The following TLL1 variants were observed in gnomAD, a reference collection of about 807,000 sequenced individuals.
The protein encoded by TLL1 is tolloid like 1, also known as tolloid-like protein 1.
In TLL1, 49 loss-of-function variants were observed where a neutral mutation model predicts 128.2. The ratio of observed to expected loss-of-function variants is 0.38; its 90% confidence interval spans 0.30 to 0.48. The LOEUF (loss-of-function observed/expected upper bound fraction) is 0.48. Among genes scored for constraint, TLL1 ranks in the 20% least tolerant of loss-of-function variants. The pLI, the probability that TLL1 is intolerant of heterozygous loss-of-function variation, is 0.96. For synonymous variants in TLL1, 454 were observed against 418.8 expected (o/e 1.08, Z -1.03); for missense variants, 1,123 against 1,242.0 (o/e 0.90, Z 1.44).
At chr4:166,097,242 G>T (rs541081027) in intron 19 of TLL1, among the ~76,000 whole-genome samples, 1 of 152,194 alleles carries the variant, frequency 6.6e-6, no homozygotes, top group Admixed American at 6.5e-5. Flanking sequence ...TGGAGTTACT[G>T]AGATAAGAAA....
At chr4:165,969,787 T>A (rs773323483) in intron 1 of TLL1, among the ~76,000 whole-genome samples, 15 of 152,182 alleles carry the variant, frequency 9.9e-5, no homozygotes, top group Admixed American at 5.2e-4. Flanking sequence ...GGACTTTTTC[T>A]TATTAAAATG....
intron 16 of TLL1, among the ~76,000 whole-genome samples, chr4:166,070,224 C>T (rs1050831694): frequency 6.6e-6 from 1 of 151,710 alleles, no homozygotes; most frequent in Non-Finnish European, 1.5e-5. Context: ...ATACATGATG[C>T]AATTTACTTA....
intron 1 of TLL1, among the ~76,000 whole-genome samples, chr4:165,966,325 G>T (rs1379850391): frequency 2.0e-5 from 3 of 152,180 alleles, no homozygotes; most frequent in East Asian, 1.9e-4. Context: ...AGACTTTGAG[G>T]TGTGGGGACC....
chr4:165,944,595 A>G (rs150838248), intron 1 of TLL1, among the ~76,000 whole-genome samples: 8 of 152,266 alleles, frequency 5.3e-5, no homozygotes, highest in African/African-American at 1.9e-4. Flanking sequence ...GCAGGAGATG[A>G]CAAAGTGAAT....
intron 8 of TLL1, among the ~76,000 whole-genome samples, chr4:166,021,518 C>T (rs1179680587): frequency 2.7e-5 from 4 of 150,738 alleles, no homozygotes; most frequent in Admixed American, 1.3e-4. Flanking sequence ...CTGCAACCTC[C>T]GCCTCCTGGG....
intron 1 of TLL1, among the ~76,000 whole-genome samples, chr4:165,965,334 A>G (rs1466892322): frequency 6.6e-6 from 1 of 152,186 alleles, no homozygotes; most frequent in Non-Finnish European, 1.5e-5. Flanking sequence ...TTTACTCTAA[A>G]GTCAGATTTA....
intron 1 of TLL1, among the ~76,000 whole-genome samples, chr4:165,923,411 A>G (rs1003626599): frequency 6.0e-5 from 7 of 115,958 alleles, no homozygotes; most frequent in African/African-American, 2.0e-4. Context: ...CATCGGAAAT[A>G]TAGGTATACC....
intron 20 of TLL1, among the ~76,000 whole-genome samples, chr4:166,100,537 C>T (rs550366282): frequency 3.3e-5 from 5 of 152,204 alleles, no homozygotes; most frequent in East Asian, 3.9e-4. Flanking sequence ...CGACTAGTCG[C>T]GTGAGCTCTA....
intron 1 of TLL1, among the ~76,000 whole-genome samples, chr4:165,886,658 A>T (rs1484336345): frequency 6.6e-6 from 1 of 152,164 alleles, no homozygotes; most frequent in African/African-American, 2.4e-5. Flanking sequence ...CAATCCTCTC[A>T]TATGTTTGAA....
chr4:166,061,419 G>T (rs1740308324), intron 15 of TLL1, among the ~76,000 whole-genome samples: 1 of 151,558 alleles, frequency 6.6e-6, no homozygotes, highest in Non-Finnish European at 1.5e-5. Flanking sequence ...GCTAATTTTT[G>T]CATTTAGTAG....
At chr4:165,885,803 G>A (rs1249134206) in intron 1 of TLL1, among the ~76,000 whole-genome samples, 1 of 152,104 alleles carries the variant, frequency 6.6e-6, no homozygotes, top group Non-Finnish European at 1.5e-5. Context: ...ATAATGGAGA[G>A]AAGAAGAACT....
At chr4:166,021,336 C>G (rs1339256219) in intron 8 of TLL1, among the ~76,000 whole-genome samples, 1 of 151,992 alleles carries the variant, frequency 6.6e-6, no homozygotes, top group Non-Finnish European at 1.5e-5. Context: ...ATCCAGCAGC[C>G]CAAGCCAGAA....
At chr4:166,047,365 C>A (rs1480520836) in intron 12 of TLL1, among the ~76,000 whole-genome samples, 1 of 151,562 alleles carries the variant, frequency 6.6e-6, no homozygotes, top group Non-Finnish European at 1.5e-5. Flanking sequence ...AGGGTTTCAC[C>A]ATGTTAGCCA....
At chr4:166,077,769 C>A in intron 17 of TLL1, 134 bp from the exon 18 acceptor site, 1 of 1,174,574 alleles carries the variant, frequency 8.5e-7, no homozygotes, top group South Asian at 1.3e-5. Flanking sequence ...AATATAATAA[C>A]CGACACGGGA....
intron 1 of TLL1, among the ~76,000 whole-genome samples, chr4:165,908,957 G>A (rs1732399198): frequency 6.6e-6 from 1 of 152,196 alleles, no homozygotes; most frequent in South Asian, 2.1e-4. Flanking sequence ...AGCACTTTAG[G>A]AGGCCGAGGC....
intron 1 of TLL1, among the ~76,000 whole-genome samples, chr4:165,906,257 A>C (rs1296575891): frequency 6.6e-6 from 1 of 152,234 alleles, no homozygotes; most frequent in Non-Finnish European, 1.5e-5. Context: ...TTAGTTAATT[A>C]AAATTAATAA....
At chr4:166,044,437 A>G in intron 12 of TLL1, 2 of 1,535,240 alleles carry the variant, frequency 1.3e-6, no homozygotes, top group African/African-American at 2.7e-5. Flanking sequence ...GAAGCCTGTA[A>G]ATTCTATTTC....
chr4:166,057,130 T>C (rs1448722193), intron 13 of TLL1, 54 bp from the exon 14 acceptor site: 7 of 1,605,402 alleles, frequency 4.4e-6, no homozygotes, highest in African/African-American at 1.3e-5. Flanking sequence ...CCATTTCACA[T>C]ACATACACAC....
chr4:166,061,815 T>A (rs1407272476), intron 15 of TLL1, among the ~76,000 whole-genome samples: 2 of 152,218 alleles, frequency 1.3e-5, no homozygotes, highest in Non-Finnish European at 2.9e-5. Flanking sequence ...TGAATGGTAT[T>A]GCCTAGGTTT....
Sources: gnomAD v4.1 joint callset for allele counts (sites outside exome capture counted in the v4.1 genomes callset) on GRCh38, gnomAD v4.1.1 for gene constraint, MANE v1.5 for transcripts, NCBI Gene and HGNC (gene_info 2026-07-23, HGNC 2026-07-21) for gene names.